STAB2: variants seen among roughly 807,000 people sequenced by gnomAD.
STAB2 encodes stabilin 2.
A neutral mutation model predicts 338.1 loss-of-function variants in STAB2; 288 were observed. That is an observed-to-expected ratio of 0.85 (90% confidence interval 0.77 to 0.94). The LOEUF (loss-of-function observed/expected upper bound fraction) is 0.94, where lower values mean the gene tolerates loss of function less well. STAB2 is among the 40% of genes least tolerant of loss of function. The pLI, the probability that STAB2 is intolerant of heterozygous loss-of-function variation, is 0.00. For missense variants in STAB2, 3,141 were observed against 3,210.1 expected (o/e 0.98, Z 0.52); for synonymous variants, 1,202 against 1,193.3 (o/e 1.01, Z -0.15).
At chr12:103,640,086 A>G (rs1388941550) in intron 8 of STAB2, 37 bp from the exon 9 acceptor site, 3 of 1,555,760 alleles carry the variant, frequency 1.9e-6, no homozygotes, top group Non-Finnish European at 2.6e-6. Flanking sequence ...GTAACTAACT[A>G]GGATCCTATT....
chr12:103,667,025 C>G (rs544009509), intron 19 of STAB2, among the ~76,000 whole-genome samples: 1 of 152,208 alleles, frequency 6.6e-6, no homozygotes, highest in South Asian at 2.1e-4. Context: ...TGGTAAAAAG[C>G]AAAGTGTTCT....
intron 3 of STAB2, among the ~76,000 whole-genome samples, chr12:103,611,206 G>T (rs567734205): frequency 1.3e-5 from 2 of 152,088 alleles, no homozygotes; most frequent in African/African-American, 2.4e-5. Flanking sequence ...TATTAGGTCC[G>T]CATGGTGCAG....
intron 3 of STAB2, among the ~76,000 whole-genome samples, chr12:103,609,690 G>C (rs1383689923): frequency 1.3e-5 from 2 of 151,982 alleles, no homozygotes; most frequent in Non-Finnish European, 2.9e-5. Context: ...TCCTTCTCCT[G>C]CCTGATTGCC....
At chr12:103,722,349 G>A (rs1234587552) in intron 44 of STAB2, among the ~76,000 whole-genome samples, 2 of 152,210 alleles carry the variant, frequency 1.3e-5, no homozygotes, top group Non-Finnish European at 2.9e-5. Context: ...GGCAAAGGAT[G>A]TTGAGATGTC....
intron 45 of STAB2, 136 bp downstream of exon 45, chr12:103,725,230 C>T: frequency 7.2e-7 from 1 of 1,385,838 alleles, no homozygotes; most frequent in Non-Finnish European, 9.7e-7. Context: ...TTACATAAAT[C>T]AGCAATGAAA....
chr12:103,741,379 C>T (rs1882570876), intron 55 of STAB2, among the ~76,000 whole-genome samples: 1 of 152,176 alleles, frequency 6.6e-6, no homozygotes, highest in Non-Finnish European at 1.5e-5. Flanking sequence ...TTATTGAGTG[C>T]TTTTTCCCAT....
chr12:103,731,693 G>T, intron 50 of STAB2, 58 bp downstream of exon 50: 3 of 1,544,154 alleles, frequency 1.9e-6, no homozygotes, highest in East Asian at 4.5e-5. Context: ...GTTTTGTTTT[G>T]TTTGTTTTGT....
At chr12:103,760,202 C>T (rs919989937) in intron 65 of STAB2, among the ~76,000 whole-genome samples, 2 of 152,122 alleles carry the variant, frequency 1.3e-5, no homozygotes, top group South Asian at 2.1e-4. Flanking sequence ...CTGCAACTGC[C>T]GTTTCTCAAG....
intron 18 of STAB2, 132 bp from the exon 19 acceptor site, chr12:103,666,159 G>A: frequency 1.3e-6 from 1 of 796,948 alleles, no homozygotes; most frequent in South Asian, 1.7e-5. Context: ...GGAGGGGGTG[G>A]GTAGAGAGGC....
chr12:103,631,689 CA>C lies in STAB2; in HGVS notation c.581del (p.Lys194SerfsTer129). ...CTGCGTACACTGGCCCCAAGTGTGA[CA>C]AGCGTAAGTACTGCTAGTTCCCTTA... is the stretch of plus-strand genomic sequence containing the variant. The part of the protein sequence containing the change: ...YSAYTGPKCD[K>X]PIPECAALLC... On this transcript the variant is annotated frameshift_variant, in exon 6 of 69. Transcript: ENST00000388887. LOFTEE classifies it high-confidence loss of function. 6.2e-7 allele frequency: 1 copy of C among 1,614,066 alleles called. No homozygotes were observed. The highest frequency in any genetic ancestry group is 1.3e-5 in the African/African-American group (1 of 75,038).
chr12:103,755,063 G>T, intron 61 of STAB2: 2 of 510,234 alleles, frequency 3.9e-6, no homozygotes, highest in South Asian at 6.5e-5. Context: ...AGAGAGAAGA[G>T]AAATGAGTAT....
chr12:103,677,417 G>GA (rs1876483235), intron 24 of STAB2, 36 bp from the exon 25 acceptor site: 2 of 1,584,186 alleles, frequency 1.3e-6, no homozygotes, highest in South Asian at 2.2e-5. Context: ...CTGGACTGAG[G>GA]ATTCAGAGGC....
chr12:103,756,544 T>C (rs1014721077), intron 63 of STAB2, among the ~76,000 whole-genome samples: 2 of 152,214 alleles, frequency 1.3e-5, no homozygotes. Context: ...ATCCACGTTT[T>C]AGATGAAGAA....
chr12:103,689,700 G>A, intron 28 of STAB2, 146 bp from the exon 29 acceptor site: 1 of 938,934 alleles, frequency 1.1e-6, no homozygotes. Context: ...TGAGGCAACA[G>A]CCAGTGGGTG....
chr12:103,687,473 C>G lies in STAB2; in HGVS notation c.2998-695C>G, dbSNP rs1296182281. Among the ~76,000 whole-genome samples the G allele has an allele frequency of 2.6e-5, 4 of 152,274 alleles. No individual in the cohort carries two copies. The East Asian group carries it at 7.7e-4, about 29-fold the overall frequency. Reference sequence around the variant, plus strand: ...TCTTTTCCCTTCAATATCTTACATCCTCTTTCATATCTTATAGCTTCCCTT... The same window carrying G: ...TCTTTTCCCTTCAATATCTTACATCGTCTTTCATATCTTATAGCTTCCCTT... On this transcript the variant is annotated intron_variant, in intron 27 of 68. Coordinates refer to ENST00000388887, the MANE Select transcript of STAB2 (RefSeq NM_017564.10).
intron 7 of STAB2, among the ~76,000 whole-genome samples, chr12:103,637,669 C>T (rs1565976942): frequency 6.6e-6 from 1 of 152,116 alleles, no homozygotes; most frequent in Non-Finnish European, 1.5e-5. Flanking sequence ...AATAATGGTA[C>T]CTACTTTCAG....
chr12:103,638,171 C>T lies in STAB2; in HGVS notation c.865C>T (p.Pro289Ser), dbSNP rs528438418. The change falls in exon 8 of 69, where the codon CCT becomes TCT. Residue 289 changes from proline to serine, a missense_variant. By Grantham distance (74) the Pro-to-Ser change is moderately conservative. Transcript: ENST00000388887. The part of the protein sequence containing the change: ...DPCQINFGNC[P>S]TKSTVCKYDG... Reference sequence around the variant, plus strand: ...CTGCCAAATTAACTTTGGAAACTGCCCTACAAAGTCTACAGTGTGCAAATA... The same window carrying T: ...CTGCCAAATTAACTTTGGAAACTGCTCTACAAAGTCTACAGTGTGCAAATA... The T allele has an allele frequency of 6.2e-7, 1 of 1,614,184 alleles. No individual in the cohort carries two copies. Among genetic ancestry groups the T allele is most frequent in the Admixed American group, 1.7e-5 (1 of 60,026 alleles).
intron 50 of STAB2, among the ~76,000 whole-genome samples, chr12:103,732,264 G>A (rs964546703): frequency 6.6e-6 from 1 of 152,070 alleles, no homozygotes; most frequent in Non-Finnish European, 1.5e-5. Flanking sequence ...AGCTGAGATC[G>A]CACCACTGCA....
rs141433598 is a variant in STAB2, at chr12:103,728,906, G to A, written c.4993G>A (p.Ala1665Thr). The A allele has an allele frequency of 6.6e-4, 1,062 of 1,613,906 alleles. 4 individuals carry two copies. The African/African-American group carries it at 6.9e-3, about 10-fold the overall frequency. Residue 1665 changes from alanine (A) to threonine (T), a missense_variant, in exon 48 of 69, where the codon GCC becomes ACC. By Grantham distance (58) the Ala-to-Thr change is moderately conservative (BLOSUM62 0). Transcript: ENST00000388887. The part of the protein sequence containing the change: ...MPQVLRYHVV[A>T]CHQLLLENLK... The stretch of plus-strand genomic sequence containing the variant: ...CCAGGTTCTTCGGTACCATGTGGTC[G>A]CCTGCCACCAGCTGCTTCTGGAAAA...
Sources: allele counts gnomAD v4.1 joint callset (sites outside exome capture counted in the v4.1 genomes callset), GRCh38; gene constraint gnomAD v4.1.1; transcripts MANE v1.5; gene names NCBI Gene and HGNC (gene_info 2026-07-23, HGNC 2026-07-21).